Variants in PARD3 observed in about 807,000 individuals in gnomAD.
The protein encoded by PARD3 is par-3 family cell polarity regulator.
Under a neutral mutation model 155.4 loss-of-function variants are expected in PARD3, and 75 were observed. That is an observed-to-expected ratio of 0.48 (90% CI 0.40 to 0.58). The LOEUF (loss-of-function observed/expected upper bound fraction) is 0.58, where lower values mean the gene tolerates loss of function less well. Ranked by LOEUF, PARD3 falls within the 20% of genes least tolerant of loss-of-function variation. PARD3 has a pLI of 0.00. For missense variants in PARD3, 1,642 were observed against 1,721.7 expected, an observed-to-expected ratio of 0.95 and a Z score of 0.82; for synonymous variants, 576 against 610.5, an observed-to-expected ratio of 0.94 and a Z score of 0.83.
chr10:34,371,657 A>G (rs1180844367), intron 12 of PARD3, among the ~76,000 whole-genome samples: 1 of 151,994 alleles, frequency 6.6e-6, no homozygotes, highest in Non-Finnish European at 1.5e-5. Flanking sequence ...TCAACAATGT[A>G]AAAATTTTTG....
chr10:34,367,793 T>C (rs1232542412), intron 12 of PARD3, among the ~76,000 whole-genome samples: 2 of 152,194 alleles, frequency 1.3e-5, no homozygotes, highest in African/African-American at 4.8e-5. Flanking sequence ...CCATGCTTAA[T>C]TTCTAGCTCA....
At chr10:34,220,946 A>G (rs7083562) in intron 22 of PARD3, among the ~76,000 whole-genome samples, 34,444 of 152,140 alleles carry the variant, frequency 0.23, 4,253 homozygotes, top group African/African-American at 0.3. Flanking sequence ...GAATGGGAGC[A>G]GGGCCACCTT....
chr10:34,689,267 A>T (rs974013681), intron 2 of PARD3, among the ~76,000 whole-genome samples: 4 of 152,216 alleles, frequency 2.6e-5, no homozygotes, highest in Non-Finnish European at 5.9e-5. Flanking sequence ...AGAGCCACGG[A>T]AAAGAGCCGT....
chr10:34,753,282 C>A (rs952134141), intron 1 of PARD3, among the ~76,000 whole-genome samples: 4 of 152,184 alleles, frequency 2.6e-5, no homozygotes, highest in Non-Finnish European at 4.4e-5. Flanking sequence ...CTGGGGACAC[C>A]CTTGGAGAAG....
At chr10:34,727,733 G>C (rs1564552525) in intron 1 of PARD3, among the ~76,000 whole-genome samples, 1 of 152,004 alleles carries the variant, frequency 6.6e-6, no homozygotes, top group Non-Finnish European at 1.5e-5. Context: ...CTCCAGCCCT[G>C]TTACGAAACC....
At chr10:34,662,549 C>A (rs1054749159) in intron 2 of PARD3, among the ~76,000 whole-genome samples, 1 of 152,124 alleles carries the variant, frequency 6.6e-6, no homozygotes, top group Admixed American at 6.5e-5. Flanking sequence ...CTGGTACATA[C>A]ACACAATGGA....
intron 2 of PARD3, among the ~76,000 whole-genome samples, chr10:34,657,528 T>TTTTGTTTGTTTGTTTG (rs113292161): frequency 2.7e-4 from 40 of 150,236 alleles, no homozygotes; most frequent in African/African-American, 9.8e-4. Flanking sequence ...CTCAGTTTTG[T>TTTTGTTTGTTTGTTTG]TTTGTTTGTT....
intron 1 of PARD3, among the ~76,000 whole-genome samples, chr10:34,761,210 A>G (rs190383214): frequency 6.6e-6 from 1 of 152,268 alleles, no homozygotes; most frequent in Non-Finnish European, 1.5e-5. Flanking sequence ...CAGGAGTTTG[A>G]GACCAGCCTG....
intron 22 of PARD3, among the ~76,000 whole-genome samples, chr10:34,252,490 G>T (rs1415118703): frequency 2.6e-5 from 4 of 152,068 alleles, no homozygotes; most frequent in African/African-American, 9.7e-5. Flanking sequence ...TCCAGAGAGG[G>T]GTCAGGAGAG....
intron 1 of PARD3, among the ~76,000 whole-genome samples, chr10:34,751,407 T>C (rs747442482): frequency 5.8e-4 from 88 of 152,204 alleles, no homozygotes; most frequent in Non-Finnish European, 1.1e-3. Flanking sequence ...ACCCCAGTTC[T>C]GGGAAGGCCT....
At chr10:34,178,734 G>A (rs1327749434) in intron 22 of PARD3, among the ~76,000 whole-genome samples, 1 of 152,120 alleles carries the variant, frequency 6.6e-6, no homozygotes, top group Non-Finnish European at 1.5e-5. Context: ...AAGCTCTGTG[G>A]TAGAAAGAAA....
Position 34,451,781 on chromosome 10 carries a change from T to TTC in PARD3, c.583-1334_583-1333insGA, listed in dbSNP as rs200206148. Among the ~76,000 whole-genome samples the TTC allele has an allele frequency of 4.2e-3, 641 of 151,560 alleles. 4 individuals are homozygous for TTC. Among genetic ancestry groups the TTC allele is most frequent in the African/African-American group, 0.015 (604 of 41,374 alleles). On this transcript the variant is annotated intron_variant, in intron 4 of 24. Transcript: ENST00000374788. ...TGAAACTTTAGCAGCAAGTTTTTTT[T>TTC]TTTTTTTTAATAGAAATGGTAAGGA...
At chr10:34,567,752 C>G (rs1198367920) in intron 2 of PARD3, among the ~76,000 whole-genome samples, 2 of 152,128 alleles carry the variant, frequency 1.3e-5, no homozygotes, top group Non-Finnish European at 2.9e-5. Context: ...ATAGGAAGAT[C>G]TGAAACCAGC....
chr10:34,314,214 CG>C (rs145178314), intron 20 of PARD3, among the ~76,000 whole-genome samples: 2,499 of 151,264 alleles, frequency 0.017, 37 homozygotes, highest in Middle Eastern at 0.034. Flanking sequence ...AAGAAGGAAA[CG>C]TAAAAGAATC....
At chr10:34,424,495 C>G (rs1157225122) in intron 5 of PARD3, among the ~76,000 whole-genome samples, 1 of 151,954 alleles carries the variant, frequency 6.6e-6, no homozygotes, top group Non-Finnish European at 1.5e-5. Context: ...AATCAAGATT[C>G]TAACTTTACA....
In PARD3 at chr10:34,131,482, T is replaced by C. The variant is rs1390419964; in HGVS notation, c.3521A>G (p.Tyr1174Cys). ...ACTTACCCAGGGTTGCTCAAAACTATAGGTCCGCCGACGATCTTCTACATC... is the reference window on the plus strand; with the variant it reads ...ACTTACCCAGGGTTGCTCAAAACTACAGGTCCGCCGACGATCTTCTACATC... The part of the protein sequence containing the change: ...DEDVEDRRRT[Y>C]SFEQPWPNAR... Residue 1174 changes from tyrosine (Y) to cysteine (C), a missense_variant, in exon 23 of 25, where the codon TAT becomes TGT. By Grantham distance (194) the Tyr-to-Cys change is radical. This residue lies in a region of PARD3 where 1,529 missense variants were observed against 1,587.3 expected (regional missense o/e 0.96). Coordinates refer to ENST00000374788, the MANE Select transcript of PARD3 (RefSeq NM_001184785.2). 1.9e-6 allele frequency: 3 copies of C among 1,614,042 alleles called. No homozygotes were observed. The African/African-American group carries it at 4.0e-5, about 22-fold the overall frequency.
intron 20 of PARD3, among the ~76,000 whole-genome samples, chr10:34,287,109 T>A (rs1405680337): frequency 2.0e-5 from 3 of 152,102 alleles, no homozygotes; most frequent in Non-Finnish European, 4.4e-5. Context: ...TAAGGCGGGA[T>A]GGATTAATCT....
intron 2 of PARD3, among the ~76,000 whole-genome samples, chr10:34,655,332 T>TCTA (rs2093136171): frequency 6.6e-6 from 1 of 152,138 alleles, no homozygotes; most frequent in Non-Finnish European, 1.5e-5. Context: ...GTCTATAAAT[T>TCTA]GTTCTAGAAT....
At chr10:34,169,516 A>G (rs1949688515) in intron 22 of PARD3, among the ~76,000 whole-genome samples, 1 of 152,146 alleles carries the variant, frequency 6.6e-6, no homozygotes, top group Non-Finnish European at 1.5e-5. Context: ...CAGAGAAGAA[A>G]ACTTTGAGGT....
Sources: gnomAD v4.1 joint callset for allele counts (sites outside exome capture counted in the v4.1 genomes callset) on GRCh38, gnomAD v4.1.1 for gene constraint, gnomAD v4.1.1 regional missense constraint, MANE v1.5 for transcripts, NCBI Gene and HGNC (gene_info 2026-07-23, HGNC 2026-07-21) for gene names.